Variants in MYO5C observed in about 807,000 individuals in gnomAD.
MYO5C encodes the protein unconventional myosin-Vc.
Under a neutral mutation model 235.7 loss-of-function variants are expected in MYO5C, and 194 were observed. The observed-to-expected ratio is 0.82, with a 90% CI of 0.73 to 0.93. The LOEUF (loss-of-function observed/expected upper bound fraction) is 0.93, where lower values mean the gene tolerates loss of function less well. Ranked by LOEUF, MYO5C falls within the 40% of genes least tolerant of loss-of-function variation. The pLI, the probability that MYO5C is intolerant of heterozygous loss-of-function variation, is 0.00. For missense variants in MYO5C, 2,038 were observed against 2,127.2 expected (o/e 0.96, Z 0.82); for synonymous variants, 707 against 754.8 (o/e 0.94, Z 1.04).
intron 1 of MYO5C, among the ~76,000 whole-genome samples, chr15:52,295,269 G>C (rs749688371): frequency 6.6e-6 from 1 of 152,240 alleles, no homozygotes; most frequent in African/African-American, 2.4e-5. Flanking sequence ...CGCGACCCCT[G>C]GGCACTGGGG....
chr15:52,241,676 T>G (rs2036225598), intron 20 of MYO5C, among the ~76,000 whole-genome samples: 2 of 152,134 alleles, frequency 1.3e-5, no homozygotes, highest in African/African-American at 4.8e-5. Flanking sequence ...TACTTTCCTT[T>G]GGTGTGGTCT....
At chr15:52,249,943 G>A (rs2036436966) in intron 13 of MYO5C, among the ~76,000 whole-genome samples, 2 of 152,182 alleles carry the variant, frequency 1.3e-5, no homozygotes, top group African/African-American at 2.4e-5. Flanking sequence ...TCAATCCATA[G>A]TCCAGCCCAA....
intron 1 of MYO5C, among the ~76,000 whole-genome samples, chr15:52,287,238 C>G (rs1327762523): frequency 6.6e-6 from 1 of 152,156 alleles, no homozygotes; most frequent in African/African-American, 2.4e-5. Flanking sequence ...GGAAGAATGA[C>G]CTGGCAGGCA....
In MYO5C at chr15:52,204,878, C is replaced by T. The variant is rs745848996; in HGVS notation, c.4807G>A (p.Gly1603Arg). The T allele has an allele frequency of 6.2e-7, 1 of 1,614,076 alleles. No homozygotes were observed. Among genetic ancestry groups the T allele is most frequent in the East Asian group, 2.2e-5 (1 of 44,878 alleles). Reference protein sequence around the residue: ...LRKDMCSCRKGMQIRCNISYL... With the variant: ...LRKDMCSCRKRMQIRCNISYL... ...TCTGGGTTTTACCTGATCTGCATCC[C>T]TTTTCTGCAGGAGCACATGTCCTTG... The change falls in exon 38 of 41, where the codon GGG becomes AGG. Residue 1603 changes from glycine (G) to arginine (R), a missense_variant. Physicochemically the swap from Gly to Arg is moderately radical, Grantham distance 125. Coordinates refer to ENST00000261839, the MANE Select transcript of MYO5C (RefSeq NM_018728.4).
At chr15:52,212,178 C>G (rs1239596123) in intron 34 of MYO5C, among the ~76,000 whole-genome samples, 1 of 152,142 alleles carries the variant, frequency 6.6e-6, no homozygotes, top group African/African-American at 2.4e-5. Flanking sequence ...TTCAGACCCC[C>G]ATTGTAAGAA....
intron 1 of MYO5C, among the ~76,000 whole-genome samples, chr15:52,288,909 AC>A (rs368377163): frequency 6.9e-4 from 105 of 151,396 alleles, no homozygotes; most frequent in East Asian, 6.0e-3. Flanking sequence ...CATGCCAGCC[AC>A]CCCCCCAAGG....
At chr15:52,225,779 G>C (rs907486169) in intron 25 of MYO5C, among the ~76,000 whole-genome samples, 3 of 152,172 alleles carry the variant, frequency 2.0e-5, no homozygotes, top group African/African-American at 7.2e-5. Flanking sequence ...GCCAGGCATG[G>C]TGGCTCACAC....
chr15:52,254,393 G>A (rs2036538474), intron 11 of MYO5C, among the ~76,000 whole-genome samples: 1 of 152,192 alleles, frequency 6.6e-6, no homozygotes, highest in South Asian at 2.1e-4. Context: ...TCAGGACATG[G>A]GGTCCATGGC....
chr15:52,244,192 G>T (rs554018649), intron 19 of MYO5C, among the ~76,000 whole-genome samples, 164 bp downstream of exon 19: 2 of 151,992 alleles, frequency 1.3e-5, no homozygotes, highest in Admixed American at 1.3e-4. Flanking sequence ...CCTGAGAGAC[G>T]GACCTTTCTT....
chr15:52,240,696 C>T (rs1021761050), intron 20 of MYO5C, among the ~76,000 whole-genome samples: 1 of 152,086 alleles, frequency 6.6e-6, no homozygotes, highest in Non-Finnish European at 1.5e-5. Context: ...TGTGCCACTG[C>T]ACTCCAGCCT....
At chr15:52,285,626 G>A (rs1029609598) in intron 1 of MYO5C, among the ~76,000 whole-genome samples, 2 of 152,202 alleles carry the variant, frequency 1.3e-5, no homozygotes, top group Non-Finnish European at 2.9e-5. Context: ...GCGCCGCCAC[G>A]CCTGACTGGT....
At chr15:52,295,148 G>A (rs951909403) in intron 1 of MYO5C, among the ~76,000 whole-genome samples, 1 of 152,222 alleles carries the variant, frequency 6.6e-6, no homozygotes, top group African/African-American at 2.4e-5. Flanking sequence ...GAGGGGCCAG[G>A]AGACTGGCCG....
chr15:52,228,261 A>G (rs1020184107), intron 25 of MYO5C, among the ~76,000 whole-genome samples: 3 of 151,900 alleles, frequency 2.0e-5, no homozygotes, highest in African/African-American at 7.3e-5. Flanking sequence ...CTCCTGCCTC[A>G]GCCTCCTGAG....
intron 11 of MYO5C, among the ~76,000 whole-genome samples, chr15:52,254,838 G>A (rs1000290780): frequency 6.6e-6 from 1 of 152,068 alleles, no homozygotes; most frequent in African/African-American, 2.4e-5. Flanking sequence ...CAGGGAACAG[G>A]GTAGCAGCCA....
At chr15:52,218,153 G>T (rs545516432) in intron 32 of MYO5C, among the ~76,000 whole-genome samples, 1 of 152,308 alleles carries the variant, frequency 6.6e-6, no homozygotes, top group Admixed American at 6.5e-5. Context: ...AAGAAAGCAT[G>T]GGCACTTATA....
intron 8 of MYO5C, among the ~76,000 whole-genome samples, chr15:52,267,923 A>G (rs1265112846): frequency 6.6e-6 from 1 of 152,138 alleles, no homozygotes; most frequent in Non-Finnish European, 1.5e-5. Context: ...TCACGCACCA[A>G]GCCCCCTCTC....
intron 8 of MYO5C, among the ~76,000 whole-genome samples, chr15:52,264,899 T>G (rs2036770521): frequency 6.6e-6 from 1 of 152,206 alleles, no homozygotes; most frequent in Non-Finnish European, 1.5e-5. Context: ...CTGCATGGCC[T>G]GACTGACAGA....
intron 9 of MYO5C, among the ~76,000 whole-genome samples, chr15:52,261,965 C>G (rs1024933146): frequency 6.6e-6 from 1 of 152,160 alleles, no homozygotes; most frequent in Non-Finnish European, 1.5e-5. Context: ...ACAGTCCTGC[C>G]CCTCCCTGCG....
At chr15:52,275,352 C>T (rs143138542) in intron 5 of MYO5C, among the ~76,000 whole-genome samples, 2 of 152,258 alleles carry the variant, frequency 1.3e-5, no homozygotes, top group Admixed American at 6.5e-5. Context: ...ATTTCCAGCC[C>T]AGCAGGTAGA....
Sources: gnomAD v4.1 joint callset for allele counts (sites outside exome capture counted in the v4.1 genomes callset) on GRCh38, gnomAD v4.1.1 for gene constraint, MANE v1.5 for transcripts, NCBI Gene and HGNC (gene_info 2026-07-23, HGNC 2026-07-21) for gene names.